KDM4C: variants seen among roughly 807,000 people sequenced by gnomAD.
KDM4C encodes the protein lysine-specific demethylase 4C.
In KDM4C, 81 loss-of-function variants were observed where a neutral mutation model predicts 129.3. The observed-to-expected ratio is 0.63, with a 90% confidence interval of 0.52 to 0.75. The LOEUF (loss-of-function observed/expected upper bound fraction) is 0.75. Among genes scored for constraint, KDM4C ranks in the 30% least tolerant of loss-of-function variants. The pLI is 0.00. For missense variants in KDM4C, 1,457 were observed against 1,304.0 expected (o/e 1.12, Z -1.81); for synonymous variants, 573 against 456.1 (o/e 1.26, Z -3.26).
intron 1 of KDM4C, among the ~76,000 whole-genome samples, chr9:6,771,924 C>T (rs1475696206): frequency 6.6e-6 from 1 of 152,124 alleles, no homozygotes; most frequent in Non-Finnish European, 1.5e-5. Flanking sequence ...GTAGCTCTTG[C>T]AGGTGTTGGG....
chr9:6,844,409 T>C (rs1450252158), intron 4 of KDM4C, among the ~76,000 whole-genome samples: 2 of 152,230 alleles, frequency 1.3e-5, no homozygotes, highest in African/African-American at 2.4e-5. Context: ...CAGTAATTTT[T>C]TGTTTTACTG....
rs778399264 is a variant in KDM4C at position 7,046,867 on chromosome 9, C to T, written c.2265C>T (p.Cys755=). The T allele has an allele frequency of 8.1e-6, 13 of 1,605,896 alleles. No individual in the cohort carries two copies. Among genetic ancestry groups the T allele is most frequent in the Admixed American group, 1.7e-5 (1 of 59,894 alleles). Reference sequence around the variant, plus strand: ...GTATTTTCTTTTCCCCCCAGGAATGCTGTCTCTGCAATTTGAGAGGAGGTG... The same window carrying T: ...GTATTTTCTTTTCCCCCCAGGAATGTTGTCTCTGCAATTTGAGAGGAGGTG... ...RCKRNAWTAE[C]CLCNLRGGAL... is the part of the protein sequence containing the mutation. The change falls in exon 16 of 22, where the codon TGC becomes TGT. Residue 755 remains cysteine, a synonymous_variant. Transcript: ENST00000381309.
chr9:6,796,145 CA>C (rs1022906500), intron 2 of KDM4C, among the ~76,000 whole-genome samples: 1 of 151,396 alleles, frequency 6.6e-6, no homozygotes, highest in African/African-American at 2.4e-5. Flanking sequence ...GTTAGCTCAT[CA>C]AAAAAAAATC....
chr9:6,733,658 C>G (rs1817426801), intron 1 of KDM4C, among the ~76,000 whole-genome samples: 1 of 152,138 alleles, frequency 6.6e-6, no homozygotes, highest in East Asian at 1.9e-4. Flanking sequence ...GGATCTCGCG[C>G]AAGAAAGAGT....
chr9:7,085,273 G>A (rs1587540518), intron 17 of KDM4C, among the ~76,000 whole-genome samples: 1 of 152,170 alleles, frequency 6.6e-6, no homozygotes, highest in African/African-American at 2.4e-5. Flanking sequence ...ACACTTCTTC[G>A]GACCTCAGTT....
chr9:6,932,924 T>A (rs1457798101), intron 8 of KDM4C, among the ~76,000 whole-genome samples: 1 of 152,246 alleles, frequency 6.6e-6, no homozygotes, highest in Non-Finnish European at 1.5e-5. Context: ...TACTGCACTT[T>A]GTAACCATCT....
intron 17 of KDM4C, among the ~76,000 whole-genome samples, chr9:7,081,264 A>G (rs1161624048): frequency 6.6e-6 from 1 of 152,196 alleles, no homozygotes; most frequent in Non-Finnish European, 1.5e-5. Flanking sequence ...GGTGGACTTC[A>G]GGACCTGGGC....
intron 4 of KDM4C, among the ~76,000 whole-genome samples, chr9:6,843,363 A>G (rs10975846): frequency 0.14 from 21,730 of 152,198 alleles, 1,790 homozygotes; most frequent in East Asian, 0.26. Flanking sequence ...AAATTTAAGC[A>G]ATTTTTCAAA....
intron 18 of KDM4C, among the ~76,000 whole-genome samples, chr9:7,126,163 AC>A (rs1188715440): frequency 6.6e-6 from 1 of 152,278 alleles, no homozygotes; most frequent in East Asian, 1.9e-4. Context: ...CCTGAGGCCT[AC>A]ACATGGTTTT....
intron 4 of KDM4C, among the ~76,000 whole-genome samples, chr9:6,816,309 T>C (rs1303595096): frequency 2.0e-5 from 3 of 152,206 alleles, no homozygotes; most frequent in Non-Finnish European, 2.9e-5. Flanking sequence ...TTATGAATTA[T>C]TGTAAAGTGA....
chr9:6,949,389 C>T (rs930033752), intron 8 of KDM4C, among the ~76,000 whole-genome samples: 15 of 151,854 alleles, frequency 9.9e-5, no homozygotes, highest in Non-Finnish European at 4.4e-5. Flanking sequence ...TCCTCACATC[C>T]CAGACGATGA....
At chr9:6,861,613 C>T (rs1436288312) in intron 5 of KDM4C, among the ~76,000 whole-genome samples, 1 of 152,180 alleles carries the variant, frequency 6.6e-6, no homozygotes. Flanking sequence ...CAACATACCT[C>T]AAACTTAATA....
intron 8 of KDM4C, among the ~76,000 whole-genome samples, chr9:6,926,936 A>G (rs1706100604): frequency 6.6e-6 from 1 of 152,196 alleles, no homozygotes; most frequent in Admixed American, 6.5e-5. Flanking sequence ...AATTAAATGT[A>G]TACATGTTCA....
upstream of KDM4C, among the ~76,000 whole-genome samples, chr9:6,754,420 C>T (rs1818178366): frequency 6.6e-6 from 1 of 152,026 alleles, no homozygotes; most frequent in African/African-American, 2.4e-5. Flanking sequence ...ACCATGTTAT[C>T]TAGGCTGGTC....
At chr9:6,776,924 TCTC>T (rs1388964452) in intron 1 of KDM4C, among the ~76,000 whole-genome samples, 2 of 152,186 alleles carry the variant, frequency 1.3e-5, no homozygotes, top group African/African-American at 4.8e-5. Flanking sequence ...TTTAAAGGCT[TCTC>T]CTACTGTGCC....
chr9:6,817,638 ATC>A (rs1311106738), intron 4 of KDM4C, among the ~76,000 whole-genome samples: 1 of 152,186 alleles, frequency 6.6e-6, no homozygotes, highest in Non-Finnish European at 1.5e-5. Context: ...AGTATAAGTA[ATC>A]TCTATGTTGA....
intron 4 of KDM4C, among the ~76,000 whole-genome samples, chr9:6,848,909 A>G (rs1054233249): frequency 1.1e-4 from 16 of 152,242 alleles, no homozygotes; most frequent in Non-Finnish European, 2.4e-4. Context: ...TTGAAGCATC[A>G]GTAGAAGCAC....
intron 1 of KDM4C, among the ~76,000 whole-genome samples, chr9:6,751,450 T>TTAA (rs57845144): frequency 5.9e-5 from 9 of 151,810 alleles, no homozygotes; most frequent in South Asian, 4.2e-4. Context: ...TGTCTTAAAA[T>TTAA]TAATAATAAT....
At chr9:7,060,215 GT>G (rs938638436) in intron 17 of KDM4C, among the ~76,000 whole-genome samples, 94 of 143,490 alleles carry the variant, frequency 6.6e-4, no homozygotes, top group East Asian at 3.4e-3. Flanking sequence ...TCATTGTCAT[GT>G]TTTTTTTTTT....
Sources: gnomAD v4.1 joint callset for allele counts (sites outside exome capture counted in the v4.1 genomes callset) on GRCh38, gnomAD v4.1.1 for gene constraint, MANE v1.5 for transcripts, NCBI Gene and HGNC (gene_info 2026-07-23, HGNC 2026-07-21) for gene names.